NEK1: variants seen among roughly 807,000 people sequenced by gnomAD.
NEK1 encodes NIMA related kinase 1.
Under a neutral mutation model 182.1 loss-of-function variants are expected in NEK1, and 137 were observed. The observed-to-expected ratio is 0.75, with a 90% CI of 0.65 to 0.87. The LOEUF (loss-of-function observed/expected upper bound fraction) is 0.87, where lower values mean the gene tolerates loss of function less well. NEK1 is among the 40% of genes least tolerant of loss of function. The pLI is 0.00. For missense variants in NEK1, 1,391 were observed against 1,494.4 expected (o/e 0.93, Z 1.14); for synonymous variants, 513 against 492.2 (o/e 1.04, Z -0.56).
At chr4:169,406,155 G>A (rs968149645) in intron 32 of NEK1, among the ~76,000 whole-genome samples, 1 of 98,302 alleles carries the variant, frequency 1.0e-5, no homozygotes, top group Non-Finnish European at 2.2e-5. Context: ...GCCCAGGCTG[G>A]TCTCACATTC....
intron 19 of NEK1, among the ~76,000 whole-genome samples, chr4:169,523,187 G>T (rs531994554): frequency 9.2e-5 from 14 of 152,254 alleles, no homozygotes; most frequent in Admixed American, 6.5e-4. Context: ...AACATGACTA[G>T]CACATCAAAG....
intron 27 of NEK1, 45 bp downstream of exon 27, chr4:169,463,198 A>T: frequency 9.4e-7 from 1 of 1,066,264 alleles, no homozygotes; most frequent in Non-Finnish European, 1.3e-6. Flanking sequence ...TTAGATTTTT[A>T]ATAATATTAC....
At chr4:169,463,484 G>A (rs1171803890) in intron 26 of NEK1, 89 bp from the exon 27 acceptor site, 1 of 896,410 alleles carries the variant, frequency 1.1e-6, no homozygotes, top group Non-Finnish European at 1.6e-6. Flanking sequence ...TTATCCAATT[G>A]AGTGGTTCAT....
intron 27 of NEK1, among the ~76,000 whole-genome samples, chr4:169,457,476 G>A (rs765215026): frequency 1.3e-5 from 2 of 151,562 alleles, no homozygotes; most frequent in African/African-American, 2.4e-5. Flanking sequence ...CTAGATGCCC[G>A]GTATGGTGGC....
intron 5 of NEK1, among the ~76,000 whole-genome samples, chr4:169,594,954 T>C (rs896592984): frequency 2.0e-5 from 3 of 152,168 alleles, no homozygotes; most frequent in African/African-American, 7.2e-5. Flanking sequence ...TTTATTCTAT[T>C]ATTGGTTACT....
At chr4:169,489,579 C>G (rs1749685920) in intron 23 of NEK1, among the ~76,000 whole-genome samples, 1 of 152,102 alleles carries the variant, frequency 6.6e-6, no homozygotes, top group Non-Finnish European at 1.5e-5. Flanking sequence ...ATTCATGGGC[C>G]CTTGTTGCTG....
At chr4:169,440,276 T>C (rs931868107) in intron 27 of NEK1, among the ~76,000 whole-genome samples, 1 of 151,748 alleles carries the variant, frequency 6.6e-6, no homozygotes, top group Non-Finnish European at 1.5e-5. Context: ...CATAATGAAA[T>C]TCACTCACAA....
In NEK1 at chr4:169,403,098, ATAGAG is replaced by A. The variant is rs1228897401; in HGVS notation, c.3375-1243_3375-1239del. 2.0e-5 allele frequency among the ~76,000 whole-genome samples: 3 copies of A among 152,208 alleles called. No homozygotes were observed. In the East Asian group the frequency reaches 5.8e-4, roughly 29 times the overall value. The stretch of plus-strand genomic sequence containing the variant: ...AAGACTGTCAATATAATTTCCATTA[ATAGAG>A]TAAATAATCTTTTTATGTAGAAATA... On this transcript the variant is annotated intron_variant, in intron 32 of 35. Transcript: ENST00000507142.
At chr4:169,587,464 G>C in intron 9 of NEK1, 95 bp downstream of exon 9, 1 of 687,426 alleles carries the variant, frequency 1.5e-6, no homozygotes, top group Non-Finnish European at 2.3e-6. Context: ...CTAGGATGAG[G>C]GTTACCTGAA....
intron 31 of NEK1, among the ~76,000 whole-genome samples, chr4:169,409,883 CAT>C (rs1489807235): frequency 4.6e-5 from 7 of 152,262 alleles, no homozygotes; most frequent in African/African-American, 9.6e-5. Flanking sequence ...AGCAGTTTTT[CAT>C]ATGTTTCTTG....
chr4:169,588,259 G>A (rs941698193), intron 8 of NEK1, among the ~76,000 whole-genome samples: 1 of 152,054 alleles, frequency 6.6e-6, no homozygotes, highest in Admixed American at 6.5e-5. Flanking sequence ...ATAAGAAGAG[G>A]AGGAATGATT....
intron 27 of NEK1, among the ~76,000 whole-genome samples, chr4:169,439,993 C>T (rs1739138029): frequency 6.6e-6 from 1 of 151,238 alleles, no homozygotes; most frequent in Admixed American, 6.6e-5. Context: ...ATTACAGGCG[C>T]ACGGCACTAT....
At chr4:169,553,864 A>G (rs1322671277) in intron 18 of NEK1, among the ~76,000 whole-genome samples, 3 of 152,230 alleles carry the variant, frequency 2.0e-5, no homozygotes, top group African/African-American at 7.2e-5. Flanking sequence ...GATGTGGGGC[A>G]ACAGGAATTC....
chr4:169,601,914 A>G, intron 4 of NEK1, 94 bp downstream of exon 4: 1 of 860,430 alleles, frequency 1.2e-6, no homozygotes, highest in South Asian at 1.5e-5. Flanking sequence ...GTATGTTTTT[A>G]AGCAAAAATG....
intron 2 of NEK1, among the ~76,000 whole-genome samples, chr4:169,603,189 C>G (rs1770773864): frequency 6.6e-6 from 1 of 152,120 alleles, no homozygotes; most frequent in South Asian, 2.1e-4. Context: ...TACAGTATGG[C>G]TTTCAAACAT....
At position 169,562,093 on chromosome 4, in the gene NEK1, T is replaced by C; in HGVS notation, c.1080+44A>G. 2.1e-6 allele frequency: 3 copies of C among 1,407,078 alleles called. No homozygotes were observed. In the South Asian group the frequency reaches 4.0e-5, roughly 19 times the overall value. The allele number at this position is 1,407,078 out of a possible 1,614,324, so 87.2% of individuals were successfully genotyped here. On this transcript the variant is annotated intron_variant, in intron 13 of 35. Coordinates refer to ENST00000507142, the MANE Select transcript of NEK1 (RefSeq NM_001199397.3). ...TAAGATTTTGTTTCTTTTTTAAAAT[T>C]ATGTTTGCAAAGCTTTAAAATAACC...
intron 28 of NEK1, among the ~76,000 whole-genome samples, chr4:169,434,122 A>G (rs909225963): frequency 6.6e-6 from 1 of 152,038 alleles, no homozygotes; most frequent in African/African-American, 2.4e-5. Context: ...AAAAAGAAAA[A>G]CTATTACCAG....
chr4:169,571,179 A>AAAATAAAT (rs56050357), intron 12 of NEK1, among the ~76,000 whole-genome samples: 7,132 of 143,268 alleles, frequency 0.05, 201 homozygotes, highest in Middle Eastern at 0.083. Context: ...GATCAATAAA[A>AAAATAAAT]AAATAAATAA....
At chr4:169,489,390 G>A (rs1749644640) in intron 23 of NEK1, among the ~76,000 whole-genome samples, 1 of 152,136 alleles carries the variant, frequency 6.6e-6, no homozygotes, top group African/African-American at 2.4e-5. Context: ...CACAAAAAAG[G>A]ACAAAAACAA....
Sources: gnomAD v4.1 joint callset for allele counts (sites outside exome capture counted in the v4.1 genomes callset) on GRCh38, gnomAD v4.1.1 for gene constraint, MANE v1.5 for transcripts, NCBI Gene and HGNC (gene_info 2026-07-23, HGNC 2026-07-21) for gene names.